NCOR1: variants seen among roughly 807,000 people sequenced by gnomAD.
NCOR1 encodes protein phosphatase 1, regulatory subunit 109.
Under a neutral mutation model 288.1 loss-of-function variants are expected in NCOR1, and 63 were observed. The observed-to-expected ratio is 0.22, with a 90% CI of 0.18 to 0.27. NCOR1 has a LOEUF of 0.27. Among genes scored for constraint, NCOR1 ranks in the 10% least tolerant of loss-of-function variants. NCOR1 has a pLI of 1.00. For missense variants in NCOR1, 2,397 were observed against 3,019.2 expected (o/e 0.79, Z 4.83); for synonymous variants, 1,007 against 1,065.9 (o/e 0.94, Z 1.08).
intron 3 of NCOR1, among the ~76,000 whole-genome samples, chr17:16,179,664 G>A (rs1254269313): frequency 6.6e-6 from 1 of 152,142 alleles, no homozygotes; most frequent in Non-Finnish European, 1.5e-5. Flanking sequence ...TCTAAGTCAA[G>A]GACATCACAA....
In NCOR1 at chr17:16,054,266, C is replaced by T. The variant is rs145426239; in HGVS notation, c.6392+3248G>A. Among the ~76,000 whole-genome samples the T allele has an allele frequency of 5.6e-3, 853 of 152,130 alleles. 8 individuals are homozygous for T. The highest frequency in any genetic ancestry group is 0.02 in the African/African-American group (819 of 41,488). ...GGAAACTGTCAACAGAGTGAACAGA[C>T]AACCTACAGAATGGGAGAAAAATTT... On this transcript the variant is annotated intron_variant, in intron 40 of 45. Coordinates refer to ENST00000268712, the MANE Select transcript of NCOR1 (RefSeq NM_006311.4).
chr17:16,140,081 T>C (rs1599284914), intron 11 of NCOR1, among the ~76,000 whole-genome samples: 1 of 152,312 alleles, frequency 6.6e-6, no homozygotes, highest in East Asian at 1.9e-4. Context: ...ATGGAATCAG[T>C]CAAAGAGCAA....
intron 32 of NCOR1, 38 bp from the exon 33 acceptor site, chr17:16,065,732 C>T (rs1316980385): frequency 6.3e-7 from 1 of 1,585,928 alleles, no homozygotes; most frequent in South Asian, 1.1e-5. Context: ...TGAGTTTTGT[C>T]CTGGCTGAAA....
At chr17:16,106,874 TATATATATA>T (rs199732347) in intron 19 of NCOR1, among the ~76,000 whole-genome samples, 6 of 58,038 alleles carry the variant, frequency 1.0e-4, no homozygotes, top group East Asian at 3.8e-4. Flanking sequence ...TATATATATA[TATATATATA>T]TTTTTTTTTT....
At chr17:16,190,336 A>G (rs2087877170) in intron 2 of NCOR1, among the ~76,000 whole-genome samples, 1 of 152,118 alleles carries the variant, frequency 6.6e-6, no homozygotes, top group South Asian at 2.1e-4. Context: ...CGCTCTCTGA[A>G]AGAATTTCTT....
intron 11 of NCOR1, among the ~76,000 whole-genome samples, chr17:16,141,128 G>A (rs575650731): frequency 6.6e-6 from 1 of 152,184 alleles, no homozygotes; most frequent in South Asian, 2.1e-4. Context: ...TACATCTCCG[G>A]GAATCTGGGC....
chr17:16,037,166 C>T (rs1408578188), intron 44 of NCOR1, among the ~76,000 whole-genome samples: 2 of 152,112 alleles, frequency 1.3e-5, no homozygotes, highest in Non-Finnish European at 2.9e-5. Context: ...GTGGAGGAGT[C>T]AGGACACACA....
At chr17:16,135,174 A>AG (rs2076218858) in intron 14 of NCOR1, among the ~76,000 whole-genome samples, 2 of 151,614 alleles carry the variant, frequency 1.3e-5, no homozygotes, top group Admixed American at 6.6e-5. Context: ...AAAAAAAAAA[A>AG]AAAAAAAACT....
intron 10 of NCOR1, among the ~76,000 whole-genome samples, chr17:16,145,097 C>T (rs540579736): frequency 7.2e-4 from 109 of 152,222 alleles, no homozygotes; most frequent in Non-Finnish European, 1.2e-3. Flanking sequence ...GACGGGGTTT[C>T]GCCGTGTTGG....
At position 16,211,108 on chromosome 17, in the gene NCOR1, C is replaced by T. The variant is rs114471628; in HGVS notation, c.-71+4254G>A. 6.5e-3 allele frequency among the ~76,000 whole-genome samples: 987 copies of T among 152,118 alleles called. 18 individuals carry two copies. Among genetic ancestry groups the T allele is most frequent in the African/African-American group, 0.022 (915 of 41,502 alleles). ...AACACAGTGAACACTATAATAGATA[C>T]GAAAAGACTTAGATTCTGCTATTGC... On this transcript the variant is annotated intron_variant, in intron 1 of 45. Transcript: ENST00000268712.
chr17:16,080,815 C>T, intron 23 of NCOR1, 88 bp from the exon 24 acceptor site: 2 of 1,231,214 alleles, frequency 1.6e-6, no homozygotes, highest in Admixed American at 2.8e-5. Flanking sequence ...ATTCCCATTT[C>T]TGTTTAAAAA....
intron 2 of NCOR1, among the ~76,000 whole-genome samples, chr17:16,192,991 G>C (rs1490020033): frequency 6.6e-6 from 1 of 152,160 alleles, no homozygotes; most frequent in Non-Finnish European, 1.5e-5. Flanking sequence ...ATAGAAAGCA[G>C]ATCAGTGGTT....
In NCOR1 at chr17:16,158,829, C is replaced by A. The variant is rs770925916; in HGVS notation, c.663G>T (p.Lys221Asn). The A allele has an allele frequency of 5.0e-6, 8 of 1,614,048 alleles. No individual in the cohort carries two copies. Among genetic ancestry groups the A allele is most frequent in the Non-Finnish European group, 6.8e-6 (8 of 1,179,994 alleles). ...GCTCCACAGGAGGAGGGGACACGGG[C>A]TTCTCAGGCTCAGGAGGTTTAGCTG... is the stretch of plus-strand genomic sequence containing the variant. Reference protein sequence around the residue: ...EEAAKPPEPEKPVSPPPVEQK... With the variant: ...EEAAKPPEPENPVSPPPVEQK... The change falls in exon 6 of 46, where the codon AAG becomes AAT. Residue 221 changes from lysine to asparagine, a missense_variant. Lys to Asn is a moderately conservative substitution (Grantham distance 94). This residue lies in a region of NCOR1 where 76 missense variants were observed against 102.2 expected (regional missense o/e 0.74). Coordinates refer to ENST00000268712, the MANE Select transcript of NCOR1 (RefSeq NM_006311.4).
chr17:16,197,826 GAAAT>G (rs961102551), intron 1 of NCOR1, among the ~76,000 whole-genome samples: 1 of 152,028 alleles, frequency 6.6e-6, no homozygotes, highest in African/African-American at 2.4e-5. Flanking sequence ...GATCTTTTTG[GAAAT>G]AAATATTATA....
chr17:16,118,247 A>G (rs1192923500), intron 17 of NCOR1, among the ~76,000 whole-genome samples: 1 of 152,224 alleles, frequency 6.6e-6, no homozygotes, highest in African/African-American at 2.4e-5. Context: ...AAACATGCTC[A>G]TTAACAGAAG....
At chr17:16,044,804 A>G in intron 42 of NCOR1, 1 of 1,112,240 alleles carries the variant, frequency 9.0e-7, no homozygotes, top group Non-Finnish European at 1.4e-6. Context: ...CCTCATCTAC[A>G]ATGTAGGGGC....
intron 15 of NCOR1, among the ~76,000 whole-genome samples, 183 bp from the exon 16 acceptor site, chr17:16,121,452 T>A (rs1299385536): frequency 6.6e-6 from 1 of 151,834 alleles, no homozygotes; most frequent in Non-Finnish European, 1.5e-5. Context: ...CCAGCTAAAA[T>A]TAAGATATTT....
intron 21 of NCOR1, among the ~76,000 whole-genome samples, chr17:16,095,356 C>T (rs1001594735): frequency 2.0e-5 from 3 of 150,752 alleles, no homozygotes; most frequent in East Asian, 4.0e-4. Context: ...AAGTGAGGAG[C>T]GTCTCCGCCC....
intron 18 of NCOR1, among the ~76,000 whole-genome samples, chr17:16,109,404 T>C (rs1598747213): frequency 6.6e-6 from 1 of 152,184 alleles, no homozygotes; most frequent in Admixed American, 6.5e-5. Context: ...TAAATATTTA[T>C]GTATACATGT....
Sources: allele counts gnomAD v4.1 joint callset (sites outside exome capture counted in the v4.1 genomes callset), GRCh38; gene constraint gnomAD v4.1.1; regional missense constraint gnomAD v4.1.1; transcripts MANE v1.5; gene names NCBI Gene and HGNC (gene_info 2026-07-23, HGNC 2026-07-21).